Variants in CAST observed in about 807,000 individuals in gnomAD.
CAST encodes calpastatin.
In CAST, 76 loss-of-function variants were observed where a neutral mutation model predicts 119.6. The observed-to-expected ratio is 0.64, with a 90% CI of 0.53 to 0.77. The LOEUF (loss-of-function observed/expected upper bound fraction) is 0.77. Ranked by LOEUF, CAST falls within the 30% of genes least tolerant of loss-of-function variation. The pLI is 0.00. For synonymous variants in CAST, 319 were observed against 331.6 expected, an observed-to-expected ratio of 0.96 and a Z score of 0.41; for missense variants, 953 against 946.5, an observed-to-expected ratio of 1.01 and a Z score of -0.09.
the CAST span, among the ~76,000 whole-genome samples, chr5:95,976,414 G>A: frequency 1.4e-4 from 21 of 151,952 alleles, no homozygotes; most frequent in Non-Finnish European, 2.4e-4. Context: ...TGCAGTTTGC[G>A]GAATTATAAT....
intron 1 of CAST, among the ~76,000 whole-genome samples, chr5:96,530,267 T>C (rs992659724): frequency 6.6e-6 from 1 of 151,672 alleles, no homozygotes; most frequent in Non-Finnish European, 1.5e-5. Context: ...GGTGGAACCA[T>C]AGGAAGGATG....
At position 96,662,397 on chromosome 5, in the gene CAST, G is replaced by A. The variant is rs1187958391; in HGVS notation, c.-26G>A. On this transcript the variant is annotated 5_prime_UTR_variant, in exon 1 of 32. Coordinates refer to ENST00000675179, the MANE Select transcript of CAST (RefSeq NM_001750.7). ...CGCCACTCTCCGCGGCGCATTCCGG[G>A]AGGCAGCGGCCGCAGCGGCCTCGCC... 2 of 1,400,682 alleles carry A rather than the reference G, an allele frequency of 1.4e-6. No individual in the cohort carries two copies. Among genetic ancestry groups the A allele is most frequent in the South Asian group, 1.4e-5 (1 of 70,720 alleles). 86.8% of individuals were successfully genotyped at this position (1,400,682 alleles called of 1,614,324 possible). A position where few individuals can be genotyped will look rare whatever the true frequency, so the allele number is the denominator to read the frequency against.
the CAST span, among the ~76,000 whole-genome samples, chr5:96,077,739 C>T: frequency 6.6e-6 from 1 of 152,140 alleles, no homozygotes; most frequent in African/African-American, 2.4e-5. Flanking sequence ...TCTCCTTCTA[C>T]CATGAGTGGA....
chr5:96,486,907 C>T, the CAST span, among the ~76,000 whole-genome samples: 1 of 151,864 alleles, frequency 6.6e-6, no homozygotes, highest in African/African-American at 2.4e-5. Flanking sequence ...AAGCACAAGG[C>T]CAAATAATCT....
At chr5:96,763,962 T>C (rs1768892275) in intron 25 of CAST, among the ~76,000 whole-genome samples, 1 of 119,332 alleles carries the variant, frequency 8.4e-6, no homozygotes, top group Admixed American at 7.9e-5. Context: ...GCTTTTTACC[T>C]CAAAAAAAAA....
chr5:96,433,922 A>G, the CAST span: 1 of 152,146 alleles, frequency 6.6e-6, no homozygotes, highest in Non-Finnish European at 1.5e-5. Flanking sequence ...CAGCGCCACC[A>G]CCACCTTTTA....
At chr5:96,432,460 C>T in the CAST span, among the ~76,000 whole-genome samples, 3 of 152,220 alleles carry the variant, frequency 2.0e-5, no homozygotes, top group East Asian at 1.9e-4. Flanking sequence ...CGGCTCCTGA[C>T]GCAGACCGCC....
the CAST span, among the ~76,000 whole-genome samples, chr5:96,227,691 TTTG>T: frequency 6.6e-6 from 1 of 152,212 alleles, no homozygotes; most frequent in Non-Finnish European, 1.5e-5. Context: ...TTCCTTGTTT[TTTG>T]TTACTTTTTA....
At chr5:96,571,689 G>A (rs930443634) in intron 1 of CAST, among the ~76,000 whole-genome samples, 19 of 152,176 alleles carry the variant, frequency 1.2e-4, no homozygotes, top group African/African-American at 4.6e-4. Context: ...CCATTCATTT[G>A]TGATCTCTCT....
chr5:96,610,937 C>T (rs779110635), intron 1 of CAST, among the ~76,000 whole-genome samples: 12 of 152,108 alleles, frequency 7.9e-5, no homozygotes, highest in Non-Finnish European at 1.5e-4. Context: ...CACATACACA[C>T]ACACACGCAC....
chr5:96,257,446 G>A, the CAST span, among the ~76,000 whole-genome samples: 11 of 152,174 alleles, frequency 7.2e-5, no homozygotes, highest in Admixed American at 7.2e-4. Context: ...ATATCTATTA[G>A]ATTATACTGA....
intron 4 of CAST, among the ~76,000 whole-genome samples, chr5:96,725,870 T>A (rs1030811841): frequency 6.6e-6 from 1 of 152,192 alleles, no homozygotes; most frequent in Non-Finnish European, 1.5e-5. Context: ...TTAATGAGAA[T>A]GTAGTGTGAA....
chr5:96,273,111 G>A, the CAST span, among the ~76,000 whole-genome samples: 1 of 152,192 alleles, frequency 6.6e-6, no homozygotes, highest in Non-Finnish European at 1.5e-5. Flanking sequence ...CCCTAGAGAA[G>A]AACTTGTCTT....
chr5:96,596,073 G>A (rs1325711540), intron 1 of CAST, among the ~76,000 whole-genome samples: 1 of 152,194 alleles, frequency 6.6e-6, no homozygotes, highest in East Asian at 1.9e-4. Context: ...GCTGAATCAT[G>A]CCTCTTCCAA....
chr5:96,662,155 C>G (rs769312998), upstream of CAST: 10 of 390,938 alleles, frequency 2.6e-5, no homozygotes, highest in Admixed American at 3.8e-4. Flanking sequence ...GGGGCCGGGG[C>G]GGGTCACCGG....
the CAST span, among the ~76,000 whole-genome samples, chr5:96,122,577 C>A: frequency 6.6e-6 from 1 of 152,156 alleles, no homozygotes; most frequent in African/African-American, 2.4e-5. Flanking sequence ...CTATTCAAAT[C>A]ATAACCAGTT....
At chr5:96,488,889 CT>C in the CAST span, among the ~76,000 whole-genome samples, 1 of 152,186 alleles carries the variant, frequency 6.6e-6, no homozygotes, top group Non-Finnish European at 1.5e-5. Context: ...AGGCTCAACT[CT>C]ACTAAAATTT....
chr5:96,720,720 G>A (rs768353382), intron 3 of CAST, among the ~76,000 whole-genome samples: 2 of 152,228 alleles, frequency 1.3e-5, no homozygotes, highest in South Asian at 2.1e-4. Context: ...TCTGGAATTT[G>A]AGGATCACTT....
intron 1 of CAST, among the ~76,000 whole-genome samples, chr5:96,663,767 C>A (rs1748922890): frequency 6.6e-6 from 1 of 152,006 alleles, no homozygotes; most frequent in Admixed American, 6.6e-5. Context: ...AGAGAGACAG[C>A]GCGCACAAAA....
Sources: gnomAD v4.1 joint callset for allele counts (sites outside exome capture counted in the v4.1 genomes callset) on GRCh38, gnomAD v4.1.1 for gene constraint, MANE v1.5 for transcripts, NCBI Gene and HGNC (gene_info 2026-07-23, HGNC 2026-07-21) for gene names.